The following PPFIBP2 variants were observed in gnomAD, a reference collection of about 807,000 sequenced individuals.
PPFIBP2 encodes PPFIB scaffold protein 2.
Under a neutral mutation model 118.3 loss-of-function variants are expected in PPFIBP2, and 118 were observed. That is an observed-to-expected ratio of 1.00 (90% CI 0.86 to 1.16). The LOEUF (loss-of-function observed/expected upper bound fraction) is 1.16, where lower values mean the gene tolerates loss of function less well. Ranked by LOEUF, PPFIBP2 falls within the 50% of genes most tolerant of loss-of-function variation. The pLI, the probability that PPFIBP2 is intolerant of heterozygous loss-of-function variation, is 0.00. For synonymous variants in PPFIBP2, 414 were observed against 397.4 expected (o/e 1.04, Z -0.50); for missense variants, 1,195 against 1,073.1 (o/e 1.11, Z -1.59).
rs776643838 is a variant in PPFIBP2, at chr11:7,625,789, C to T, written c.724C>T (p.Gln242Ter). The change falls in exon 8 of 24, where the codon CAG becomes TAG. Residue 242 changes from glutamine to a stop codon, truncating the protein, a stop_gained. Transcript: ENST00000299492. LOFTEE classifies it high-confidence loss of function. Reference sequence around the variant, plus strand: ...GTTGCTCTTCCAGGCTGAAGTCGCCCAGCTGCAAGAACAGGTGGCCCTGAA... The same window carrying T: ...GTTGCTCTTCCAGGCTGAAGTCGCCTAGCTGCAAGAACAGGTGGCCCTGAA... ...KLKATKAEVA[Q>*]LQEQVALKDA... The T allele has an allele frequency of 1.2e-6, 2 of 1,614,168 alleles. No individual in the cohort carries two copies. Among genetic ancestry groups the T allele is most frequent in the South Asian group, 1.1e-5 (1 of 91,084 alleles).
At chr11:7,527,506 A>G (rs1026203252) in intron 1 of PPFIBP2, among the ~76,000 whole-genome samples, 6 of 152,088 alleles carry the variant, frequency 3.9e-5, no homozygotes, top group African/African-American at 1.4e-4. Context: ...TTTTTGAACC[A>G]TTGTCTATGC....
intron 3 of PPFIBP2, among the ~76,000 whole-genome samples, chr11:7,566,438 C>T (rs922012336): frequency 1.3e-5 from 2 of 152,084 alleles, no homozygotes; most frequent in Admixed American, 6.5e-5. Flanking sequence ...CTCACTGCAG[C>T]CTCGACCTCC....
intron 5 of PPFIBP2, among the ~76,000 whole-genome samples, chr11:7,604,357 T>C (rs979360198): frequency 6.6e-6 from 1 of 152,080 alleles, no homozygotes; most frequent in African/African-American, 2.4e-5. Context: ...TTCTGTGCCC[T>C]AGTTGGTGAA....
At chr11:7,651,581 C>T in intron 22 of PPFIBP2, 75 bp from the exon 23 acceptor site, 1 of 1,397,608 alleles carries the variant, frequency 7.2e-7, no homozygotes, top group Non-Finnish European at 9.9e-7. Context: ...CCCCAACAGG[C>T]CAGTCTCTCA....
At chr11:7,610,138 C>A (rs1432989263) in intron 5 of PPFIBP2, among the ~76,000 whole-genome samples, 153 bp from the exon 6 acceptor site, 1 of 152,174 alleles carries the variant, frequency 6.6e-6, no homozygotes, top group Non-Finnish European at 1.5e-5. Context: ...AGCCCAGGCC[C>A]ATCCATAATA....
intron 11 of PPFIBP2, chr11:7,632,416 T>C (rs930897210): frequency 1.8e-5 from 3 of 167,250 alleles, no homozygotes; most frequent in African/African-American, 7.1e-5. Context: ...GAGTAGATGT[T>C]GCTGATGTTT....
intron 3 of PPFIBP2, among the ~76,000 whole-genome samples, chr11:7,589,487 A>G (rs1858836731): frequency 6.6e-6 from 1 of 151,886 alleles, no homozygotes; most frequent in African/African-American, 2.4e-5. Flanking sequence ...CAGCTACTCA[A>G]GAGGCTGAGG....
intron 5 of PPFIBP2, chr11:7,606,165 G>A (rs1847314920): frequency 3.1e-6 from 3 of 957,092 alleles, no homozygotes; most frequent in Non-Finnish European, 4.4e-6. Flanking sequence ...TGGCTTGGAA[G>A]CAGCCCTGGA....
At position 7,648,863 on chromosome 11, in the gene PPFIBP2, A is replaced by T. The variant is rs1013908819; in HGVS notation, c.1861A>T (p.Thr621Ser). The part of the protein sequence containing the change: ...KLVLAVKAIN[T>S]KQEEKSALLD... Reference sequence around the variant, plus strand: ...TGTTTTAGCAGTGAAAGCCATCAACACCAAACAGGAGGAGAAGTCTGCACT... The same window carrying T: ...TGTTTTAGCAGTGAAAGCCATCAACTCCAAACAGGAGGAGAAGTCTGCACT... The change falls in exon 19 of 24, where the codon ACC becomes TCC. Residue 621 changes from threonine (T) to serine (S), a missense_variant. Thr to Ser is a moderately conservative substitution (Grantham distance 58). Coordinates refer to ENST00000299492, the MANE Select transcript of PPFIBP2 (RefSeq NM_003621.5). The T allele has an allele frequency of 2.2e-5, 36 of 1,614,032 alleles. No homozygotes were observed. The highest frequency in any genetic ancestry group is 3.1e-5 in the Non-Finnish European group (36 of 1,180,032).
chr11:7,628,413 T>C, intron 9 of PPFIBP2, 67 bp downstream of exon 9: 1 of 1,402,588 alleles, frequency 7.1e-7, no homozygotes, highest in Non-Finnish European at 1.0e-6. Flanking sequence ...TGGTCCCTGC[T>C]GGTCTCTGAT....
the PPFIBP2 span, among the ~76,000 whole-genome samples, chr11:7,664,536 A>G: frequency 6.6e-6 from 1 of 152,184 alleles, no homozygotes; most frequent in African/African-American, 2.4e-5. Context: ...CTGACAACCA[A>G]CATGTCTTTG....
chr11:7,581,776 C>T (rs1231060069), intron 3 of PPFIBP2, among the ~76,000 whole-genome samples: 1 of 151,760 alleles, frequency 6.6e-6, no homozygotes, highest in Non-Finnish European at 1.5e-5. Flanking sequence ...ATTTAACCTT[C>T]CTAGAATTCA....
Position 7,648,481 on chromosome 11 carries a change from C to G in PPFIBP2, c.1741C>G (p.Gln581Glu). 6.2e-7 allele frequency: 1 copy of G among 1,614,058 alleles called. No homozygotes were observed. Among genetic ancestry groups the G allele is most frequent in the South Asian group, 1.1e-5 (1 of 91,082 alleles). Residue 581 changes from glutamine (Q) to glutamate (E), a missense_variant, in exon 18 of 24, where the codon CAG becomes GAG. Physicochemically the swap from Gln to Glu is conservative, Grantham distance 29 (BLOSUM62 2). Transcript: ENST00000299492. ...GGCTCAGTATGTGATCTTTGCCAGG[C>G]AGTGGGTATCTTCTGGCCACACCTT... ...GLAQYVIFARQWVSSGHTLLT... is the reference protein window; with the variant it reads ...GLAQYVIFAREWVSSGHTLLT...
chr11:7,624,774 A>G (rs1230639185), intron 7 of PPFIBP2, among the ~76,000 whole-genome samples: 2 of 152,230 alleles, frequency 1.3e-5, no homozygotes, highest in Non-Finnish European at 2.9e-5. Flanking sequence ...ATATTGGACT[A>G]GGTTGTTGAT....
intron 1 of PPFIBP2, among the ~76,000 whole-genome samples, chr11:7,526,752 C>G (rs762004244): frequency 6.6e-6 from 1 of 152,096 alleles, no homozygotes; most frequent in Non-Finnish European, 1.5e-5. Context: ...GGAAGCTTCT[C>G]TATCCCAAGT....
At chr11:7,518,406 TTATGGGCACCC>T (rs1226132708) in intron 1 of PPFIBP2, among the ~76,000 whole-genome samples, 3 of 152,114 alleles carry the variant, frequency 2.0e-5, no homozygotes, top group Non-Finnish European at 4.4e-5. Flanking sequence ...GTTTACCACT[TTATGGGCACCC>T]TTTTTGAGTT....
At position 7,641,045 on chromosome 11, in the gene PPFIBP2, G is replaced by A. The variant is rs1005963330; in HGVS notation, c.1376-434G>A. 2.3e-6 allele frequency: 3 copies of A among 1,283,610 alleles called. No individual in the cohort carries two copies. The African/African-American group carries it at 4.6e-5, about 20-fold the overall frequency. 79.5% of individuals were successfully genotyped at this position (1,283,610 alleles called of 1,614,324 possible). A position where few individuals can be genotyped will look rare whatever the true frequency, so the allele number is the denominator to read the frequency against. On this transcript the variant is annotated intron_variant, in intron 15 of 23. Transcript: ENST00000299492. ...TGGTTCACTGGAGATCGTGGCCGGAGTGTCAGTGCCCCCGTATTAGGTACT... is the reference window on the plus strand; with the variant it reads ...TGGTTCACTGGAGATCGTGGCCGGAATGTCAGTGCCCCCGTATTAGGTACT...
rs529585905 is a variant in PPFIBP2, at chr11:7,606,886, A to ATTTTTTTTTTTTT, written c.487-3375_487-3363dup. On this transcript the variant is annotated intron_variant, in intron 5 of 23. Coordinates refer to ENST00000299492, the MANE Select transcript of PPFIBP2 (RefSeq NM_003621.5). The stretch of plus-strand genomic sequence containing the variant: ...CTGATCAGAAGACAAAACTGCATGA[A>ATTTTTTTTTTTTT]TTTTTTTTTTTTTTTTTTTTTTTTT... 1.2e-3 allele frequency among the ~76,000 whole-genome samples: 60 copies of ATTTTTTTTTTTTT among 51,438 alleles called. 14 individuals carry two copies. Among genetic ancestry groups the ATTTTTTTTTTTTT allele is most frequent in the East Asian group, 1.8e-3 (3 of 1,700 alleles). The allele number at this position is 51,438 out of a possible 152,430, so 33.7% of individuals were successfully genotyped here. A position where few individuals can be genotyped will look rare whatever the true frequency, so the allele number is the denominator to read the frequency against.
intron 3 of PPFIBP2, 57 bp downstream of exon 3, chr11:7,565,824 T>G: frequency 6.4e-7 from 1 of 1,573,034 alleles, no homozygotes; most frequent in South Asian, 1.1e-5. Context: ...GTGCAGCCCA[T>G]GGAGTGCCAC....
Sources: allele counts gnomAD v4.1 joint callset (sites outside exome capture counted in the v4.1 genomes callset), GRCh38; gene constraint gnomAD v4.1.1; transcripts MANE v1.5; gene names NCBI Gene and HGNC (gene_info 2026-07-23, HGNC 2026-07-21).